Variants in RANBP1 observed in about 807,000 individuals in gnomAD.
RANBP1 encodes RAN binding protein 1.
A neutral mutation model predicts 31.4 loss-of-function variants in RANBP1; 16 were observed. That is an observed-to-expected ratio of 0.51 (90% confidence interval 0.34 to 0.77). The LOEUF (loss-of-function observed/expected upper bound fraction) is 0.77. Ranked by LOEUF, RANBP1 falls within the 30% of genes least tolerant of loss-of-function variation. The pLI, the probability that RANBP1 is intolerant of heterozygous loss-of-function variation, is 0.01. For missense variants in RANBP1, 265 were observed against 362.0 expected, an observed-to-expected ratio of 0.73 and a Z score of 2.17; for synonymous variants, 129 against 140.5, an observed-to-expected ratio of 0.92 and a Z score of 0.58.
chr22:20,120,101 C>T (rs73389802), intron 2 of RANBP1, among the ~76,000 whole-genome samples: 1 of 152,230 alleles, frequency 6.6e-6, no homozygotes, highest in Admixed American at 6.5e-5. Context: ...GGAATCCCCC[C>T]ATCCTTGAAG....
chr22:20,126,740 T>C, intron 5 of RANBP1: 2 of 1,421,078 alleles, frequency 1.4e-6, no homozygotes, highest in Non-Finnish European at 1.9e-6. Context: ...GACCATGGTC[T>C]AGGCAGTGCT....
chr22:20,119,276 G>A, intron 2 of RANBP1, 127 bp downstream of exon 2: 1 of 867,626 alleles, frequency 1.2e-6, no homozygotes, highest in Non-Finnish European at 1.8e-6. Context: ...TAAAGTTGGT[G>A]ACTAATCCCA....
Position 20,127,052 on chromosome 22 carries a change from A to G in RANBP1, c.837A>G (p.Ter279=). 6.2e-7 allele frequency: 1 copy of G among 1,600,330 alleles called. No individual in the cohort carries two copies. Among genetic ancestry groups the G allele is most frequent in the Non-Finnish European group, 8.5e-7 (1 of 1,174,234 alleles). The change falls in exon 6 of 6, where the codon TAA becomes TAG. Residue 279 remains the stop codon, a stop_retained_variant. Coordinates refer to ENST00000430524, the MANE Select transcript of RANBP1 (RefSeq NM_001278639.2). ...ETKEDAEEKQ[*] is the part of the protein sequence containing the mutation. ...AGGAGGATGCTGAGGAGAAGCAATA[A>G]ATCGTCTTATTTTATTTTCTTTTCC... is the stretch of plus-strand genomic sequence containing the variant.
At chr22:20,120,726 T>C (rs1189576488) in intron 2 of RANBP1, among the ~76,000 whole-genome samples, 2 of 152,136 alleles carry the variant, frequency 1.3e-5, no homozygotes, top group African/African-American at 4.8e-5. Flanking sequence ...CTGGGCCTCT[T>C]CTCTGGGTCA....
chr22:20,116,495 C>T, intron 1 of RANBP1, 65 bp downstream of exon 1: 3 of 1,612,812 alleles, frequency 1.9e-6, no homozygotes, highest in East Asian at 4.5e-5. Flanking sequence ...GTAGCCGCCC[C>T]AGCGCCCTCT....
At position 20,116,396 on chromosome 22, in the gene RANBP1, G is replaced by A. The variant is rs748468844; in HGVS notation, c.212G>A (p.Gly71Asp). The change falls in exon 1 of 6, where the codon GGC becomes GAC. Residue 71 changes from glycine to aspartate, a missense_variant. Around this residue, in one of 3 missense-constraint regions of RANBP1, gnomAD observed 126 missense variants for 123.6 expected, o/e 1.02. Coordinates refer to ENST00000430524, the MANE Select transcript of RANBP1 (RefSeq NM_001278639.2). ...RRTSLKLAWR[G>D]TFCSSSLKIS... Reference sequence around the variant, plus strand: ...ACGTCGCTGAAGCTGGCGTGGCGAGGCACGTTCTGCAGCTCCAGTTTAAAG... The same window carrying A: ...ACGTCGCTGAAGCTGGCGTGGCGAGACACGTTCTGCAGCTCCAGTTTAAAG... The A allele has an allele frequency of 6.2e-7, 1 of 1,611,836 alleles. No individual in the cohort carries two copies. The highest frequency in any genetic ancestry group is 8.5e-7 in the Non-Finnish European group (1 of 1,179,014).
intron 1 of RANBP1, chr22:20,117,375 A>C (rs2050059650): frequency 6.6e-6 from 8 of 1,203,412 alleles, no homozygotes; most frequent in Non-Finnish European, 8.3e-6. Flanking sequence ...CGGGCCGGGC[A>C]TGCGCCGCGG....
At chr22:20,117,466 A>C in intron 1 of RANBP1, 4 of 1,196,390 alleles carry the variant, frequency 3.3e-6, no homozygotes, top group Non-Finnish European at 4.2e-6. Context: ...CTGGTTTTGA[A>C]TCGCGGCGCG....
intron 2 of RANBP1, among the ~76,000 whole-genome samples, chr22:20,120,755 G>A (rs1232855757): frequency 1.3e-5 from 2 of 152,182 alleles, no homozygotes; most frequent in African/African-American, 2.4e-5. Flanking sequence ...CAGATGACCC[G>A]CCCGCCTCAG....
chr22:20,117,757 C>T, intron 1 of RANBP1: 1 of 1,073,732 alleles, frequency 9.3e-7, no homozygotes, highest in Middle Eastern at 4.2e-4. Flanking sequence ...CGCCACCAAC[C>T]TCCGCCGGCC....
intron 1 of RANBP1, chr22:20,117,929 C>T (rs2050079450): frequency 9.9e-7 from 1 of 1,012,980 alleles, no homozygotes; most frequent in Non-Finnish European, 1.2e-6. Context: ...TGGGGAGCGG[C>T]CGTCGCCACG....
chr22:20,117,852 C>T, intron 1 of RANBP1: 1 of 1,012,490 alleles, frequency 9.9e-7, no homozygotes, highest in Non-Finnish European at 1.2e-6. Flanking sequence ...GGAGTTGGGG[C>T]GTTTGGGGGT....
At chr22:20,126,415 G>A in intron 5 of RANBP1, 47 bp downstream of exon 5, 1 of 1,613,434 alleles carries the variant, frequency 6.2e-7, no homozygotes, top group Non-Finnish European at 8.5e-7. Flanking sequence ...GACTCACTCT[G>A]CATCTGACTA....
At chr22:20,117,288 A>C (rs1289898575) in intron 1 of RANBP1, 1 of 790,030 alleles carries the variant, frequency 1.3e-6, no homozygotes, top group Non-Finnish European at 1.7e-6. Flanking sequence ...CACTTTAGCC[A>C]GCTCTAGAGG....
chr22:20,122,504 TG>T (rs1271183663), intron 3 of RANBP1, 83 bp downstream of exon 3: 1 of 1,601,872 alleles, frequency 6.2e-7, no homozygotes, highest in Non-Finnish European at 8.5e-7. Flanking sequence ...GATTGGGAAC[TG>T]GGGAGCGTGT....
Position 20,125,290 on chromosome 22 carries a change from G to C in RANBP1, c.542-18G>C. On this transcript the variant is annotated intron_variant, in intron 3 of 5. Coordinates refer to ENST00000430524, the MANE Select transcript of RANBP1 (RefSeq NM_001278639.2). The stretch of plus-strand genomic sequence containing the variant: ...TTTGCAGTCATCTCACCATCTTCAC[G>C]AGCTTCTCTCTCTTCAGTCACGCCG... 6.2e-7 allele frequency: 1 copy of C among 1,611,370 alleles called. No homozygotes were observed. The highest frequency in any genetic ancestry group is 8.5e-7 in the Non-Finnish European group (1 of 1,179,786).
chr22:20,120,466 C>G (rs550861660), intron 2 of RANBP1, among the ~76,000 whole-genome samples: 1 of 152,172 alleles, frequency 6.6e-6, no homozygotes, highest in African/African-American at 2.4e-5. Flanking sequence ...AGGGTGGGCC[C>G]GGGTCTTTGC....
intron 3 of RANBP1, 141 bp from the exon 4 acceptor site, chr22:20,125,167 C>T (rs995764648): frequency 5.3e-5 from 48 of 897,568 alleles, no homozygotes; most frequent in Non-Finnish European, 7.2e-5. Context: ...TTGTCTAAGC[C>T]TGGTTCTCCA....
chr22:20,117,527 A>G, intron 1 of RANBP1: 2 of 1,325,762 alleles, frequency 1.5e-6, no homozygotes, highest in South Asian at 1.6e-5. Context: ...GGGCGGAGGG[A>G]AGAGCGGGCG....
Sources: gnomAD v4.1 joint callset for allele counts (sites outside exome capture counted in the v4.1 genomes callset) on GRCh38, gnomAD v4.1.1 for gene constraint, gnomAD v4.1.1 regional missense constraint, MANE v1.5 for transcripts, NCBI Gene and HGNC (gene_info 2026-07-23, HGNC 2026-07-21) for gene names.